Variants in SERPINI2 observed in about 807,000 individuals in gnomAD.
SERPINI2 encodes serpin I2.
A neutral mutation model predicts 47.3 loss-of-function variants in SERPINI2; 48 were observed. The observed-to-expected ratio is 1.02, with a 90% CI of 0.81 to 1.29. The LOEUF (loss-of-function observed/expected upper bound fraction) is 1.29, where lower values mean the gene tolerates loss of function less well. Ranked by LOEUF, SERPINI2 falls within the 50% of genes most tolerant of loss-of-function variation. SERPINI2 has a pLI of 0.00. For synonymous variants in SERPINI2, 135 were observed against 149.3 expected (o/e 0.90, Z 0.70); for missense variants, 448 against 456.9 (o/e 0.98, Z 0.18).
chr3:167,457,296 A>G (rs960631591), intron 5 of SERPINI2, among the ~76,000 whole-genome samples: 4 of 152,370 alleles, frequency 2.6e-5, no homozygotes, highest in African/African-American at 4.8e-5. Context: ...CAGGGCTTCA[A>G]GGACCCTTGG....
rs1749481760 is a variant in SERPINI2 at position 167,446,441 on chromosome 3, T to TC, written c.1091_1092insG (p.Phe365IlefsTer14). ...ACAGAAATGGATGATTTGCTATAAA[T>TC]TGGCTTTGAGCCAGACTCATGATCA... is the stretch of plus-strand genomic sequence containing the variant. On this transcript the variant is annotated frameshift_variant, in exon 8 of 9. Transcript: ENST00000264677. LOFTEE classifies it high-confidence loss of function. 1.2e-5 allele frequency: 19 copies of TC among 1,610,626 alleles called. No homozygotes were observed. The highest frequency in any genetic ancestry group is 1.6e-5 in the Non-Finnish European group (19 of 1,178,564).
At chr3:167,467,706 C>A (rs1750179305) in intron 2 of SERPINI2, among the ~76,000 whole-genome samples, 1 of 152,062 alleles carries the variant, frequency 6.6e-6, no homozygotes, top group East Asian at 1.9e-4. Flanking sequence ...ATGAGCAATC[C>A]TTTTCAATAT....
At chr3:167,470,340 A>C (rs1750268685) in intron 2 of SERPINI2, among the ~76,000 whole-genome samples, 1 of 152,140 alleles carries the variant, frequency 6.6e-6, no homozygotes, top group South Asian at 2.1e-4. Context: ...AAGCAAATAA[A>C]ATCTTGTAAA....
chr3:167,473,920 C>T, intron 1 of SERPINI2, 83 bp downstream of exon 1: 1 of 1,169,570 alleles, frequency 8.6e-7, no homozygotes, highest in South Asian at 3.8e-5. Flanking sequence ...ATTGAAATGC[C>T]ATTCCATACT....
intron 1 of SERPINI2, chr3:167,473,796 C>A (rs1310752911): frequency 1.4e-6 from 2 of 1,448,142 alleles, no homozygotes; most frequent in Non-Finnish European, 1.8e-6. Context: ...AACTAAACAA[C>A]CTGATGAATA....
At chr3:167,466,957 A>T in intron 3 of SERPINI2, 98 bp downstream of exon 3, 1 of 724,040 alleles carries the variant, frequency 1.4e-6, no homozygotes, top group Non-Finnish European at 2.3e-6. Flanking sequence ...TCTGATCCAT[A>T]CTGCAGTAGG....
rs367864692 is a variant in SERPINI2, at chr3:167,449,318, G to A, written c.1049C>T (p.Thr350Ile). The stretch of plus-strand genomic sequence containing the variant: ...TGGCCAGAAATCATTCACCCTACCA[G>A]TTGATGTTGCAGCTTCACTACCATC... Residue 350 changes from threonine to isoleucine, a missense_variant and splice_region_variant, in exon 7 of 9, where the codon ACT becomes ATT. Transcript: ENST00000264677. The A allele has an allele frequency of 3.1e-6, 5 of 1,608,180 alleles. No individual in the cohort carries two copies. Among genetic ancestry groups the A allele is most frequent in the Non-Finnish European group, 4.3e-6 (5 of 1,175,282 alleles).
chr3:167,466,562 A>G (rs1013545991), intron 3 of SERPINI2, among the ~76,000 whole-genome samples: 2 of 152,166 alleles, frequency 1.3e-5, no homozygotes, highest in African/African-American at 2.4e-5. Context: ...CTCTGTAGTC[A>G]ACTATGAAAT....
rs776193588 is a variant in SERPINI2 at position 167,446,380 on chromosome 3, CA to C, written c.1141+11del. ...ATAATCAGTTCCCCCAAATAATTCT[CA>C]AAAAAGGTACCTGTTGGATTATGCT... On this transcript the variant is annotated intron_variant, in intron 8 of 8. Transcript: ENST00000264677. 5 of 1,568,896 alleles carry C rather than the reference CA, an allele frequency of 3.2e-6. No homozygotes were observed. The highest frequency in any genetic ancestry group is 1.8e-5 in the Admixed American group (1 of 57,012).
At chr3:167,467,031 T>C (rs377582425) in intron 3 of SERPINI2, 24 bp downstream of exon 3, 12 of 1,538,434 alleles carry the variant, frequency 7.8e-6, no homozygotes, top group East Asian at 2.3e-5. Context: ...CAAATAATAA[T>C]TTTATGAAAA....
chr3:167,468,626 C>A (rs1204458232), intron 2 of SERPINI2, among the ~76,000 whole-genome samples: 2 of 152,150 alleles, frequency 1.3e-5, no homozygotes, highest in Non-Finnish European at 2.9e-5. Flanking sequence ...AAAAAACTTA[C>A]TTCCATATGA....
At chr3:167,458,758 C>T (rs1240124118) in intron 5 of SERPINI2, among the ~76,000 whole-genome samples, 1 of 152,172 alleles carries the variant, frequency 6.6e-6, no homozygotes, top group Non-Finnish European at 1.5e-5. Flanking sequence ...CCAATAGACA[C>T]GAGAGCTGAT....
exon 7 of SERPINI2, chr3:167,449,329 A>C: frequency 6.2e-7 from 1 of 1,612,124 alleles, no homozygotes; most frequent in South Asian, 1.1e-5. Flanking sequence ...TTGATGTTGC[A>C]GCTTCACTAC....
At chr3:167,450,329 C>G (rs2108154327) in intron 6 of SERPINI2, among the ~76,000 whole-genome samples, 1 of 152,162 alleles carries the variant, frequency 6.6e-6, no homozygotes, top group South Asian at 2.1e-4. Flanking sequence ...TCCTTTTTCT[C>G]CCCTTGGTGG....
intron 2 of SERPINI2, among the ~76,000 whole-genome samples, chr3:167,468,042 C>G (rs1049999209): frequency 6.6e-6 from 1 of 152,098 alleles, no homozygotes; most frequent in Non-Finnish European, 1.5e-5. Flanking sequence ...GAACTCTACC[C>G]TGATATTAGG....
intron 5 of SERPINI2, among the ~76,000 whole-genome samples, chr3:167,457,532 C>A (rs1381005636): frequency 6.6e-6 from 1 of 152,212 alleles, no homozygotes; most frequent in African/African-American, 2.4e-5. Flanking sequence ...TACTTAATGT[C>A]CGAGTTGTTG....
intron 5 of SERPINI2, among the ~76,000 whole-genome samples, chr3:167,456,702 T>C (rs1399959737): frequency 6.6e-6 from 1 of 152,166 alleles, no homozygotes; most frequent in African/African-American, 2.4e-5. Flanking sequence ...AGGCAAGGTA[T>C]TTACCTGTCT....
chr3:167,460,725 C>G (rs563770559), intron 5 of SERPINI2, among the ~76,000 whole-genome samples: 1 of 152,246 alleles, frequency 6.6e-6, no homozygotes, highest in South Asian at 2.1e-4. Flanking sequence ...AAAGCTTCAT[C>G]AGGGTCCTCA....
intron 5 of SERPINI2, 84 bp downstream of exon 5, chr3:167,465,122 G>T: frequency 8.4e-7 from 1 of 1,196,070 alleles, no homozygotes; most frequent in Non-Finnish European, 1.2e-6. Context: ...GACTTTTCAA[G>T]TATTTGTTAC....
Sources: gnomAD v4.1 joint callset for allele counts (sites outside exome capture counted in the v4.1 genomes callset) on GRCh38, gnomAD v4.1.1 for gene constraint, MANE v1.5 for transcripts, NCBI Gene and HGNC (gene_info 2026-07-23, HGNC 2026-07-21) for gene names.